NUFIP1: variants seen among roughly 807,000 people sequenced by gnomAD.
The protein encoded by NUFIP1 is FMR1-interacting protein NUFIP1.
In NUFIP1, 38 loss-of-function variants were observed where a neutral mutation model predicts 56.2. The observed-to-expected ratio is 0.68, with a 90% CI of 0.52 to 0.89. NUFIP1 has a LOEUF of 0.89. NUFIP1 is among the 40% of genes least tolerant of loss of function. The pLI, the probability that NUFIP1 is intolerant of heterozygous loss-of-function variation, is 0.00. For synonymous variants in NUFIP1, 215 were observed against 212.4 expected (o/e 1.01, Z -0.10); for missense variants, 567 against 605.8 (o/e 0.94, Z 0.67).
At chr13:44,985,331 A>T (rs1872344361) in intron 1 of NUFIP1, among the ~76,000 whole-genome samples, 1 of 151,998 alleles carries the variant, frequency 6.6e-6, no homozygotes, top group Non-Finnish European at 1.5e-5. Flanking sequence ...GTTTGGCAAA[A>T]AAACTTTAAA....
At chr13:44,943,376 A>ACCCC in intron 9 of NUFIP1, 66 bp downstream of exon 9, 1 of 1,301,784 alleles carries the variant, frequency 7.7e-7, no homozygotes. Flanking sequence ...ACACACACAC[A>ACCCC]CCCCAGTGGC....
At chr13:44,985,642 G>C (rs571278188) in intron 1 of NUFIP1, among the ~76,000 whole-genome samples, 2 of 152,246 alleles carry the variant, frequency 1.3e-5, no homozygotes, top group African/African-American at 4.8e-5. Context: ...TGCTACTACT[G>C]TAATTGTTTT....
At chr13:44,942,524 C>A (rs1296421923) in intron 9 of NUFIP1, among the ~76,000 whole-genome samples, 1 of 152,114 alleles carries the variant, frequency 6.6e-6, no homozygotes, top group Non-Finnish European at 1.5e-5. Context: ...AGAGTGTAGC[C>A]ACTGAACACT....
intron 7 of NUFIP1, among the ~76,000 whole-genome samples, chr13:44,951,504 A>G (rs1308153827): frequency 6.6e-6 from 1 of 152,222 alleles, no homozygotes; most frequent in Admixed American, 6.5e-5. Context: ...CTTCCCACAG[A>G]CAAAGTCTTC....
chr13:44,943,195 T>C (rs1870800645), intron 9 of NUFIP1, among the ~76,000 whole-genome samples: 1 of 152,202 alleles, frequency 6.6e-6, no homozygotes, highest in East Asian at 1.9e-4. Flanking sequence ...CAGTAGATAC[T>C]TCCTTACCAA....
At chr13:44,974,548 ATTTGT>A (rs768373401) in intron 5 of NUFIP1, among the ~76,000 whole-genome samples, 1 of 152,010 alleles carries the variant, frequency 6.6e-6, no homozygotes, top group Non-Finnish European at 1.5e-5. Flanking sequence ...GGCACTGGAA[ATTTGT>A]TTTGTTTTGT....
At chr13:44,956,029 G>C (rs1871224918) in intron 7 of NUFIP1, among the ~76,000 whole-genome samples, 1 of 151,292 alleles carries the variant, frequency 6.6e-6, no homozygotes, top group African/African-American at 2.4e-5. Context: ...TGTAGTCCCA[G>C]CTACTCGGGA....
intron 5 of NUFIP1, among the ~76,000 whole-genome samples, chr13:44,969,239 T>C (rs961940062): frequency 6.6e-6 from 1 of 151,936 alleles, no homozygotes; most frequent in African/African-American, 2.4e-5. Context: ...AAAAAGCACA[T>C]TATCGCAAAA....
chr13:44,955,660 C>G (rs1229693480), intron 7 of NUFIP1, among the ~76,000 whole-genome samples: 1 of 152,182 alleles, frequency 6.6e-6, no homozygotes, highest in Non-Finnish European at 1.5e-5. Context: ...TTGGCTGGCT[C>G]TTGCCCAAGG....
In NUFIP1 at chr13:44,979,989, A is replaced by C. The variant is rs752474975; in HGVS notation, c.595-37T>G. On this transcript the variant is annotated intron_variant, in intron 3 of 9. Transcript: ENST00000379161. ...TAAAAGAAAAAAAAAACTATTTAACAAATGTTTTCCATGTTAAATTTACCC... is the reference window on the plus strand; with the variant it reads ...TAAAAGAAAAAAAAAACTATTTAACCAATGTTTTCCATGTTAAATTTACCC... 1.1e-5 allele frequency: 16 copies of C among 1,500,790 alleles called. No individual in the cohort carries two copies. The African/African-American group carries it at 1.7e-4, about 16-fold the overall frequency. The allele number at this position is 1,500,790 out of a possible 1,614,324, so 93.0% of individuals were successfully genotyped here.
chr13:44,959,810 T>G (rs899913725), intron 6 of NUFIP1, among the ~76,000 whole-genome samples: 77 of 152,162 alleles, frequency 5.1e-4, no homozygotes, highest in Admixed American at 3.9e-3. Flanking sequence ...GATTCTACGC[T>G]GCAAATTTCT....
intron 8 of NUFIP1, among the ~76,000 whole-genome samples, chr13:44,949,199 A>ATTTTTTTTTTTTTT (rs11421255): frequency 8.9e-6 from 1 of 112,648 alleles, no homozygotes; most frequent in Admixed American, 1.1e-4. Context: ...ATTATATTGT[A>ATTTTTTTTTTTTTT]TTTTTTTTTT....
chr13:44,943,696 C>T, intron 8 of NUFIP1, 22 bp from the exon 9 acceptor site: 2 of 1,573,658 alleles, frequency 1.3e-6, no homozygotes, highest in Non-Finnish European at 1.7e-6. Context: ...GAAAAACAAA[C>T]ACAAAAATAA....
At chr13:44,981,187 A>G (rs1872175693) in intron 2 of NUFIP1, among the ~76,000 whole-genome samples, 1 of 152,226 alleles carries the variant, frequency 6.6e-6, no homozygotes, top group African/African-American at 2.4e-5. Context: ...AAATAACTAC[A>G]GCTGACCCTT....
intron 5 of NUFIP1, among the ~76,000 whole-genome samples, chr13:44,978,742 T>C (rs1872077477): frequency 1.3e-5 from 2 of 152,202 alleles, no homozygotes; most frequent in South Asian, 4.1e-4. Flanking sequence ...AGAACTATCC[T>C]TAAAGATCAA....
At chr13:44,981,995 A>T (rs1872208117) in intron 2 of NUFIP1, 77 bp downstream of exon 2, 1 of 699,798 alleles carries the variant, frequency 1.4e-6, no homozygotes, top group African/African-American at 1.8e-5. Flanking sequence ...CACTGAAGAC[A>T]GTTATGACAG....
In NUFIP1 at chr13:44,979,275, A is replaced by T; in HGVS notation, c.658-9T>A. The stretch of plus-strand genomic sequence containing the variant: ...ATGCCAGGAGCATGCATCTAGGGGG[A>T]AAAAGCCTGCTGAACATCAGGAGGC... On this transcript the variant is annotated splice_polypyrimidine_tract_variant and intron_variant, in intron 4 of 9. Coordinates refer to ENST00000379161, the MANE Select transcript of NUFIP1 (RefSeq NM_012345.3). The T allele has an allele frequency of 3.1e-6, 5 of 1,602,606 alleles. No individual in the cohort carries two copies. The highest frequency in any genetic ancestry group is 4.3e-6 in the Non-Finnish European group (5 of 1,174,520).
At chr13:44,964,572 C>T (rs1871533382) in intron 6 of NUFIP1, among the ~76,000 whole-genome samples, 1 of 152,094 alleles carries the variant, frequency 6.6e-6, no homozygotes, top group Admixed American at 6.6e-5. Flanking sequence ...CCAGAGAGAG[C>T]AAGACATCTA....
In NUFIP1 at chr13:44,989,290, T is replaced by C. The variant is rs114437324; in HGVS notation, c.147A>G (p.Pro49=). The change falls in exon 1 of 10, where the codon CCA becomes CCG. Residue 49 remains proline, a synonymous_variant. Coordinates refer to ENST00000379161, the MANE Select transcript of NUFIP1 (RefSeq NM_012345.3). ...FWAMLPPPPP[P]LTSSLPAAGS... is the part of the protein sequence containing the mutation. ...CGGCTGCGGGAAGCGAGGACGTAAG[T>C]GGTGGTGGCGGTGGCGGCAGCATTG... 5.3e-5 allele frequency: 85 copies of C among 1,613,396 alleles called. No homozygotes were observed. Among genetic ancestry groups the C allele is most frequent in the African/African-American group, 4.7e-4 (35 of 74,972 alleles).
Sources: gnomAD v4.1 joint callset for allele counts (sites outside exome capture counted in the v4.1 genomes callset) on GRCh38, gnomAD v4.1.1 for gene constraint, MANE v1.5 for transcripts, NCBI Gene and HGNC (gene_info 2026-07-23, HGNC 2026-07-21) for gene names.